Variants in MAN1A2 observed in about 807,000 individuals in gnomAD.
MAN1A2 encodes mannosidase alpha class 1A member 2.
MAN1A2 carries 26 observed loss-of-function variants against 75.7 expected under a neutral mutation model. That is an observed-to-expected ratio of 0.34 (90% CI 0.25 to 0.48). MAN1A2 has a LOEUF of 0.48. Among genes scored for constraint, MAN1A2 ranks in the 20% least tolerant of loss-of-function variants. The pLI, the probability that MAN1A2 is intolerant of heterozygous loss-of-function variation, is 0.99. For synonymous variants in MAN1A2, 247 were observed against 264.6 expected (o/e 0.93, Z 0.65); for missense variants, 562 against 775.5 (o/e 0.72, Z 3.27).
intron 12 of MAN1A2, among the ~76,000 whole-genome samples, chr1:117,518,471 G>A (rs978515379): frequency 2.6e-5 from 4 of 151,780 alleles, no homozygotes; most frequent in Non-Finnish European, 5.9e-5. Context: ...AAACCATTTT[G>A]TAAAAATATT....
chr1:117,428,683 A>C (rs1024671725), intron 5 of MAN1A2, among the ~76,000 whole-genome samples: 1 of 152,136 alleles, frequency 6.6e-6, no homozygotes. Flanking sequence ...AAAAAGATAC[A>C]TAGTATATGA....
chr1:117,373,105 G>A (rs1653020920), intron 1 of MAN1A2, among the ~76,000 whole-genome samples: 1 of 152,046 alleles, frequency 6.6e-6, no homozygotes, highest in African/African-American at 2.4e-5. Context: ...CCAGGCTGCA[G>A]TGTGCTTTAG....
At chr1:117,497,105 C>T (rs1394194650) in intron 10 of MAN1A2, 123 bp downstream of exon 10, 3 of 621,256 alleles carry the variant, frequency 4.8e-6, no homozygotes, top group Non-Finnish European at 7.9e-6. Flanking sequence ...ACCAACAAGG[C>T]AAATCATTTT....
intron 5 of MAN1A2, among the ~76,000 whole-genome samples, chr1:117,422,372 C>CA (rs1302004264): frequency 6.6e-6 from 1 of 151,938 alleles, no homozygotes; most frequent in African/African-American, 2.4e-5. Flanking sequence ...ATATATTTAT[C>CA]AGTGGAATTA....
chr1:117,432,399 G>A (rs1021392363), intron 5 of MAN1A2, among the ~76,000 whole-genome samples: 2 of 151,854 alleles, frequency 1.3e-5, no homozygotes, highest in African/African-American at 4.8e-5. Context: ...AGAAATAACA[G>A]AAGACAGATT....
chr1:117,381,042 T>C (rs1041610715), intron 1 of MAN1A2, among the ~76,000 whole-genome samples: 1 of 152,168 alleles, frequency 6.6e-6, no homozygotes, highest in Non-Finnish European at 1.5e-5. Flanking sequence ...TTCAGCAATG[T>C]TTATGGTTTT....
At chr1:117,488,062 AT>A (rs1237362768) in intron 8 of MAN1A2, among the ~76,000 whole-genome samples, 1 of 152,064 alleles carries the variant, frequency 6.6e-6, no homozygotes, top group African/African-American at 2.4e-5. Context: ...ACATCTTATT[AT>A]TGCCCTGTCT....
chr1:117,474,382 A>G (rs996680437), intron 8 of MAN1A2, among the ~76,000 whole-genome samples: 34 of 75,174 alleles, frequency 4.5e-4, no homozygotes, highest in African/African-American at 2.0e-3. Flanking sequence ...CCAGTATTCC[A>G]TGAGTTTTTT....
At chr1:117,412,473 C>T (rs1222976819) in intron 3 of MAN1A2, among the ~76,000 whole-genome samples, 1 of 151,504 alleles carries the variant, frequency 6.6e-6, no homozygotes, top group Non-Finnish European at 1.5e-5. Flanking sequence ...TTCTTCATTT[C>T]TAATTCATCC....
chr1:117,390,538 AT>A lies in MAN1A2; in HGVS notation c.303-11644del, dbSNP rs956585178. On this transcript the variant is annotated intron_variant, in intron 1 of 12. Transcript: ENST00000356554. ...TCTCGTCATTATTAGAAATTTATCA[AT>A]TTTATTGATCTCAAATAACTAGCTT... 9.2e-5 allele frequency among the ~76,000 whole-genome samples: 14 copies of A among 151,586 alleles called. No homozygotes were observed. In the East Asian group the frequency reaches 2.5e-3, roughly 27 times the overall value.
chr1:117,481,167 T>G (rs1230240491), intron 8 of MAN1A2, among the ~76,000 whole-genome samples: 1 of 151,920 alleles, frequency 6.6e-6, no homozygotes. Context: ...TTTTTCTTTT[T>G]TGGTGTTTGC....
At chr1:117,421,925 C>T (rs911803129) in intron 5 of MAN1A2, among the ~76,000 whole-genome samples, 6 of 152,024 alleles carry the variant, frequency 3.9e-5, no homozygotes, top group Non-Finnish European at 7.4e-5. Flanking sequence ...GCGTGGAGAC[C>T]ATTATCCTAC....
chr1:117,524,481 T>TGAATTTGAAGATTTCC lies in MAN1A2; in HGVS notation c.*1525_*1540dup, dbSNP rs1335363113. On this transcript the variant is annotated 3_prime_UTR_variant, in exon 13 of 13. Coordinates refer to ENST00000356554, the MANE Select transcript of MAN1A2 (RefSeq NM_006699.5). Reference sequence around the variant, plus strand: ...AGTATAATTAGTATAACATTTACTCTGAATTTGAAGATTTCCTGAAACAAA... The same window carrying TGAATTTGAAGATTTCC: ...AGTATAATTAGTATAACATTTACTCTGAATTTGAAGATTTCCGAATTTGAAGATTTCCTGAAACAAA... 2 of 151,814 alleles carry TGAATTTGAAGATTTCC rather than the reference T, an allele frequency of 1.3e-5. No individual in the cohort carries two copies. The highest frequency in any genetic ancestry group is 2.9e-5 in the Non-Finnish European group (2 of 67,822). The allele number at this position is 151,814 out of a possible 1,614,324, so 9.4% of individuals were successfully genotyped here.
intron 1 of MAN1A2, among the ~76,000 whole-genome samples, chr1:117,373,569 C>A (rs1383337639): frequency 1.3e-5 from 2 of 151,464 alleles, no homozygotes; most frequent in African/African-American, 4.9e-5. Context: ...TCTCAAACTC[C>A]TATGCTGAAG....
chr1:117,467,343 CT>C (rs986669897), intron 8 of MAN1A2, among the ~76,000 whole-genome samples: 1 of 152,066 alleles, frequency 6.6e-6, no homozygotes, highest in African/African-American at 2.4e-5. Flanking sequence ...GAAAACACTG[CT>C]GATTCTGCCA....
intron 8 of MAN1A2, among the ~76,000 whole-genome samples, chr1:117,471,237 G>C (rs1488827548): frequency 1.3e-5 from 2 of 151,738 alleles, no homozygotes; most frequent in Non-Finnish European, 3.0e-5. Context: ...TAATAATTTA[G>C]ATAATTTATT....
chr1:117,492,758 G>A (rs1029827688), intron 8 of MAN1A2, among the ~76,000 whole-genome samples: 2 of 151,802 alleles, frequency 1.3e-5, no homozygotes, highest in Non-Finnish European at 2.9e-5. Context: ...AGCTCTTTTT[G>A]CTTAACATCA....
At chr1:117,518,090 G>T (rs1358686942) in intron 12 of MAN1A2, among the ~76,000 whole-genome samples, 1 of 151,842 alleles carries the variant, frequency 6.6e-6, no homozygotes, top group Non-Finnish European at 1.5e-5. Context: ...ACTGAAGATT[G>T]ATCCAAATTC....
At chr1:117,417,534 A>AAAATATATATATAT in intron 4 of MAN1A2, among the ~76,000 whole-genome samples, 1 of 89,208 alleles carries the variant, frequency 1.1e-5, no homozygotes, top group South Asian at 4.8e-4. Flanking sequence ...CTTGAGTTTA[A>AAAATATATATATAT]ATATATATAT....
Sources: gnomAD v4.1 joint callset for allele counts (sites outside exome capture counted in the v4.1 genomes callset) on GRCh38, gnomAD v4.1.1 for gene constraint, MANE v1.5 for transcripts, NCBI Gene and HGNC (gene_info 2026-07-23, HGNC 2026-07-21) for gene names.